The following SPTBN4 variants were observed in gnomAD, a reference collection of about 807,000 sequenced individuals.
SPTBN4 encodes the protein spectrin beta, non-erythrocytic 4.
SPTBN4 carries 96 observed loss-of-function variants against 277.8 expected under a neutral mutation model. The observed-to-expected ratio is 0.35, with a 90% CI of 0.29 to 0.41. The LOEUF (loss-of-function observed/expected upper bound fraction) is 0.41. Among genes scored for constraint, SPTBN4 ranks in the 10% least tolerant of loss-of-function variants. The pLI is 1.00. For missense variants in SPTBN4, 3,006 were observed against 3,595.7 expected (o/e 0.84, Z 4.19); for synonymous variants, 1,481 against 1,580.3 (o/e 0.94, Z 1.49).
chr19:40,512,535 C>T, intron 13 of SPTBN4, 71 bp from the exon 14 acceptor site: 1 of 1,433,710 alleles, frequency 7.0e-7, no homozygotes, highest in South Asian at 1.4e-5. Context: ...GGGTAGGTAG[C>T]CCGCACCATC....
chr19:40,553,181 C>T (rs1267416634), intron 22 of SPTBN4, among the ~76,000 whole-genome samples: 1 of 152,192 alleles, frequency 6.6e-6, no homozygotes, highest in African/African-American at 2.4e-5. Flanking sequence ...GTAGCAGACA[C>T]TCAAGAATCG....
At chr19:40,516,442 A>G (rs964443106) in intron 15 of SPTBN4, among the ~76,000 whole-genome samples, 11 of 151,942 alleles carry the variant, frequency 7.2e-5, no homozygotes, top group African/African-American at 2.7e-4. Context: ...AACTGGGACT[A>G]CAGGTGCATA....
In SPTBN4 at chr19:40,570,677, G is replaced by C; in HGVS notation, c.7268G>C (p.Gly2423Ala). 1 of 1,605,382 alleles carries C rather than the reference G, an allele frequency of 6.2e-7. No homozygotes were observed. The highest frequency in any genetic ancestry group is 1.7e-5 in the Admixed American group (1 of 59,294). The change falls in exon 33 of 36, where the codon GGC becomes GCC. Residue 2423 changes from glycine (G) to alanine (A), a missense_variant. Coordinates refer to ENST00000598249, the MANE Select transcript of SPTBN4 (RefSeq NM_020971.3). ...CCCACTCACACAGTGCAGCACGAGG[G>C]CTTCCTACTGCGCAAGCGCGAGCTC... Reference protein sequence around the residue: ...PPPTHTVQHEGFLLRKRELDA... With the variant: ...PPPTHTVQHEAFLLRKRELDA...
chr19:40,490,121 T>C lies in SPTBN4; in HGVS notation c.368T>C (p.Val123Ala). The C allele has an allele frequency of 1.2e-6, 2 of 1,613,982 alleles. No homozygotes were observed. Among genetic ancestry groups the C allele is most frequent in the Non-Finnish European group, 1.7e-6 (2 of 1,179,916 alleles). ...GRMRIHSLEN[V>A]DKALQFLKEQ... Reference sequence around the variant, plus strand: ...ATGCGGATCCACTCACTGGAGAACGTGGACAAGGCGCTGCAGTTTCTGAAG... The same window carrying C: ...ATGCGGATCCACTCACTGGAGAACGCGGACAAGGCGCTGCAGTTTCTGAAG... The change falls in exon 4 of 36, where the codon GTG becomes GCG. Residue 123 changes from valine (V) to alanine (A), a missense_variant. By Grantham distance (64) the Val-to-Ala change is moderately conservative. Around this residue, in one of 5 missense-constraint regions of SPTBN4, gnomAD observed 114 missense variants for 196.1 expected, o/e 0.58. Transcript: ENST00000598249. The surrounding 1 kb of genome is among the most constrained non-coding windows in gnomAD (Gnocchi z 4.3).
At chr19:40,530,387 C>G (rs1243962972) in intron 18 of SPTBN4, 1 of 559,852 alleles carries the variant, frequency 1.8e-6, no homozygotes, top group East Asian at 1.5e-4. Flanking sequence ...GCACCCCCAC[C>G]TGGGGCCCCG....
chr19:40,468,126 G>A (rs2079847195), intron 1 of SPTBN4, among the ~76,000 whole-genome samples: 2 of 149,326 alleles, frequency 1.3e-5, no homozygotes, highest in African/African-American at 5.0e-5. Context: ...CACCCAAGTT[G>A]GAGTGTAATG....
intron 6 of SPTBN4, among the ~76,000 whole-genome samples, chr19:40,495,692 C>T (rs1013105982): frequency 2.0e-5 from 3 of 151,976 alleles, no homozygotes; most frequent in Non-Finnish European, 4.4e-5. Flanking sequence ...AAAGAAAACA[C>T]TTCCTCAAAG....
chr19:40,538,262 G>A (rs1418542054), intron 20 of SPTBN4, among the ~76,000 whole-genome samples: 2 of 152,138 alleles, frequency 1.3e-5, no homozygotes, highest in Non-Finnish European at 2.9e-5. Flanking sequence ...GGTGGCACAT[G>A]CCTGTAATCC....
At chr19:40,551,337 C>G (rs910805456) in intron 22 of SPTBN4, among the ~76,000 whole-genome samples, 1 of 151,926 alleles carries the variant, frequency 6.6e-6, no homozygotes, top group African/African-American at 2.4e-5. Context: ...TGCAGTGAGC[C>G]TTGAACACCC....
intron 27 of SPTBN4, among the ~76,000 whole-genome samples, chr19:40,563,189 G>A (rs2081060213): frequency 6.6e-6 from 1 of 152,048 alleles, no homozygotes; most frequent in African/African-American, 2.4e-5. Flanking sequence ...TCCAGCCTGG[G>A]TGACAGAGCG....
chr19:40,524,770 C>A, intron 17 of SPTBN4: 1 of 369,082 alleles, frequency 2.7e-6, no homozygotes, highest in South Asian at 2.0e-5. Flanking sequence ...TCTCTCTCAT[C>A]TCTTGAACCT....
intron 3 of SPTBN4, among the ~76,000 whole-genome samples, chr19:40,489,632 C>T (rs1399003402): frequency 6.6e-6 from 1 of 152,196 alleles, no homozygotes; most frequent in Non-Finnish European, 1.5e-5. Flanking sequence ...AAGTGAACCA[C>T]CCGCCTCGGC....
At chr19:40,497,864 C>T (rs999885842) in intron 7 of SPTBN4, among the ~76,000 whole-genome samples, 35 of 151,586 alleles carry the variant, frequency 2.3e-4, no homozygotes, top group African/African-American at 8.5e-4. Context: ...AACCCCTCCT[C>T]TTCCCCATTC....
intron 13 of SPTBN4, among the ~76,000 whole-genome samples, chr19:40,510,594 C>T (rs891714458): frequency 2.0e-4 from 30 of 152,254 alleles, no homozygotes; most frequent in African/African-American, 6.0e-4. Flanking sequence ...TAAGCCACTG[C>T]GCCTAGCAAG....
intron 20 of SPTBN4, among the ~76,000 whole-genome samples, chr19:40,545,545 A>G (rs941576549): frequency 1.3e-5 from 2 of 152,168 alleles, no homozygotes; most frequent in African/African-American, 4.8e-5. Context: ...GAGTGTGCCC[A>G]TCTCCCAACA....
intron 32 of SPTBN4, 34 bp from the exon 33 acceptor site, chr19:40,570,402 G>A (rs766268149): frequency 1.3e-6 from 2 of 1,515,192 alleles, no homozygotes; most frequent in Non-Finnish European, 1.8e-6. Context: ...CCCTCTCCAT[G>A]GACAGCACCC....
chr19:40,560,302 C>A lies in SPTBN4; in HGVS notation c.5814C>A (p.Val1938=), dbSNP rs1327513948. The change falls in exon 27 of 36, where the codon GTC becomes GTA. Residue 1938 remains valine, a synonymous_variant. Coordinates refer to ENST00000598249, the MANE Select transcript of SPTBN4 (RefSeq NM_020971.3). This position sits in a 1 kb window ranked among gnomAD's most constrained non-coding sequence, Gnocchi z 5.2. ...LSACEDARLH[V]SSTADALRFH... is the part of the protein sequence containing the mutation. ...CCTGTGAGGATGCCCGCCTGCATGT[C>A]AGCTCCACAGCCGACGCCCTGCGCT... 1 of 1,614,102 alleles carries A rather than the reference C, an allele frequency of 6.2e-7. No individual in the cohort carries two copies. Among genetic ancestry groups the A allele is most frequent in the Admixed American group, 1.7e-5 (1 of 60,034 alleles).
At position 40,554,551 on chromosome 19, in the gene SPTBN4, C is replaced by T; in HGVS notation, c.4989C>T (p.His1663=). The part of the protein sequence containing the change: ...EQSTLQLLKK[H]LQLEQGVENY... ...GCACCCTGCAGCTGCTCAAGAAACA[C>T]CTGCAGCTGGAGCAAGGCGTGGAGA... Residue 1663 remains histidine (H), a synonymous_variant, in exon 24 of 36, where the codon CAC becomes CAT. Coordinates refer to ENST00000598249, the MANE Select transcript of SPTBN4 (RefSeq NM_020971.3). The surrounding 1 kb of genome is among the most constrained non-coding windows in gnomAD (Gnocchi z 5.7). 1 of 1,502,498 alleles carries T rather than the reference C, an allele frequency of 6.7e-7. No individual in the cohort carries two copies. Among genetic ancestry groups the T allele is most frequent in the Non-Finnish European group, 8.9e-7 (1 of 1,122,074 alleles). The allele number at this position is 1,502,498 out of a possible 1,614,324, so 93.1% of individuals were successfully genotyped here.
At chr19:40,505,991 A>G (rs899243384) in intron 12 of SPTBN4, among the ~76,000 whole-genome samples, 1 of 152,234 alleles carries the variant, frequency 6.6e-6, no homozygotes, top group African/African-American at 2.4e-5. Flanking sequence ...AGACAGAGAC[A>G]GAACACCATG....
Sources: gnomAD v4.1 joint callset for allele counts (sites outside exome capture counted in the v4.1 genomes callset) on GRCh38, gnomAD v4.1.1 for gene constraint, gnomAD v4.1.1 regional missense constraint, Gnocchi (gnomAD v3.1) non-coding constraint, MANE v1.5 for transcripts, NCBI Gene and HGNC (gene_info 2026-07-23, HGNC 2026-07-21) for gene names.